ABLIM2: variants seen among roughly 807,000 people sequenced by gnomAD.
ABLIM2 encodes the protein actin binding LIM protein family member 2.
In ABLIM2, 53 loss-of-function variants were observed where a neutral mutation model predicts 97.7. The ratio of observed to expected loss-of-function variants is 0.54; its 90% CI spans 0.44 to 0.68. The LOEUF (loss-of-function observed/expected upper bound fraction) is 0.68. ABLIM2 is among the 30% of genes least tolerant of loss of function. The probability of loss-of-function intolerance (pLI) is 0.00; values close to 1 mark genes in which losing one functional copy is unlikely to be tolerated. For missense variants in ABLIM2, 835 were observed against 867.2 expected (o/e 0.96, Z 0.47); for synonymous variants, 361 against 345.8 (o/e 1.04, Z -0.49).
At chr4:8,020,026 T>C (rs1418721352) in intron 13 of ABLIM2, among the ~76,000 whole-genome samples, 176 bp downstream of exon 13, 1 of 147,886 alleles carries the variant, frequency 6.8e-6, no homozygotes, top group Non-Finnish European at 1.5e-5. Context: ...CGGTTTGGGG[T>C]TGTGAAAACC....
rs761273787 is a variant in ABLIM2, at chr4:7,967,077, C to T, written c.1851G>A (p.Gln617=). The T allele has an allele frequency of 6.2e-7, 1 of 1,613,718 alleles. No individual in the cohort carries two copies. The highest frequency in any genetic ancestry group is 2.2e-5 in the East Asian group (1 of 44,874). The change falls in exon 21 of 21, where the codon CAG becomes CAA. Residue 617 remains glutamine, a synonymous_variant. Transcript: ENST00000447017. Reference sequence around the variant, plus strand: ...CCTCGATGCTCATCCCAAACACTTCCTGGAACTCCTCGGGCGACAAGTGTC... The same window carrying T: ...CCTCGATGCTCATCCCAAACACTTCTTGGAACTCCTCGGGCGACAAGTGTC... ...LERHLSPEEF[Q]EVFGMSIEEF...
At chr4:7,969,131 C>CA (rs1725466047) in intron 20 of ABLIM2, among the ~76,000 whole-genome samples, 1 of 151,538 alleles carries the variant, frequency 6.6e-6, no homozygotes, top group South Asian at 2.1e-4. Context: ...GACTCCATCT[C>CA]AAAAAAATAA....
rs1847664915 is a variant in ABLIM2, at chr4:8,125,898, T to C, written c.11-19261A>G. ...ACACTCGGCTGTGCGTGGGCAGCCT[T>C]GGGGGACCCGCCGCTTTTGGGAACA... On this transcript the variant is annotated intron_variant, in intron 1 of 20. Transcript: ENST00000447017. The surrounding 1 kb of genome is among the most constrained non-coding windows in gnomAD (Gnocchi z 6.2). 6.6e-6 allele frequency among the ~76,000 whole-genome samples: 1 copy of C among 152,122 alleles called. No homozygotes were observed. The highest frequency in any genetic ancestry group is 1.5e-5 in the Non-Finnish European group (1 of 68,000).
chr4:8,066,817 C>T (rs1808186923), intron 6 of ABLIM2: 1 of 152,130 alleles, frequency 6.6e-6, no homozygotes, highest in East Asian at 1.9e-4. Context: ...AGTTTTGGAA[C>T]TAGAGAGAAC....
intron 14 of ABLIM2, 146 bp from the exon 15 acceptor site, chr4:8,009,248 G>A (rs1763304865): frequency 5.1e-6 from 5 of 971,458 alleles, no homozygotes; most frequent in South Asian, 4.5e-5. Context: ...AAAGGGCAAG[G>A]AACAAGGTAA....
chr4:8,082,266 C>T lies in ABLIM2; in HGVS notation c.455-1464G>A, dbSNP rs1048713517. Among the ~76,000 whole-genome samples the T allele has an allele frequency of 6.6e-6, 1 of 152,146 alleles. No individual in the cohort carries two copies. Among genetic ancestry groups the T allele is most frequent in the Non-Finnish European group, 1.5e-5 (1 of 68,030 alleles). ...CGACGTGCTGGGTACAAATCCTGGC[C>T]CCCACTATGCGCTGGGTCACACTGA... On this transcript the variant is annotated intron_variant, in intron 4 of 20. Coordinates refer to ENST00000447017, the MANE Select transcript of ABLIM2 (RefSeq NM_001130083.2). This position sits in a 1 kb window ranked among gnomAD's most constrained non-coding sequence, Gnocchi z 5.6.
rs543253567 is a variant in ABLIM2 at position 8,021,351 on chromosome 4, G to C, written c.1268-1048C>G. On this transcript the variant is annotated intron_variant, in intron 12 of 20. Coordinates refer to ENST00000447017, the MANE Select transcript of ABLIM2 (RefSeq NM_001130083.2). The surrounding 1 kb of genome is among the most constrained non-coding windows in gnomAD (Gnocchi z 5.5). The stretch of plus-strand genomic sequence containing the variant: ...CACCTGTTTGGGGAATGAGGTGACA[G>C]ACAGATGCAGGGTATTGAATGCTTG... 1.6e-4 allele frequency among the ~76,000 whole-genome samples: 25 copies of C among 152,298 alleles called. No homozygotes were observed. Among genetic ancestry groups the C allele is most frequent in the African/African-American group, 5.5e-4 (23 of 41,552 alleles).
chr4:8,024,550 G>A (rs73092333), intron 12 of ABLIM2, among the ~76,000 whole-genome samples: 4,301 of 152,284 alleles, frequency 0.028, 196 homozygotes, highest in African/African-American at 0.096. Flanking sequence ...GGCAGGCGAC[G>A]CTGCCTGGTG....
Position 8,150,094 on chromosome 4 carries a change from G to C in ABLIM2, c.10+8586C>G, listed in dbSNP as rs185783878. 1.6e-4 allele frequency among the ~76,000 whole-genome samples: 24 copies of C among 152,346 alleles called. No homozygotes were observed. In the South Asian group the frequency reaches 1.9e-3, roughly 12 times the overall value. ...AAATGGAGAGAGTTGTGGGGCAAAGGGGTTGGAACATCATGAGGGCATTTG... is the reference window on the plus strand; with the variant it reads ...AAATGGAGAGAGTTGTGGGGCAAAGCGGTTGGAACATCATGAGGGCATTTG... On this transcript the variant is annotated intron_variant, in intron 1 of 20. Transcript: ENST00000447017. The surrounding 1 kb of genome is among the most constrained non-coding windows in gnomAD (Gnocchi z 6.3).
In ABLIM2 at chr4:8,083,004, T is replaced by C. The variant is rs922873951; in HGVS notation, c.455-2202A>G. Reference sequence around the variant, plus strand: ...CATTTGGCAATGTCTGGCGACCCTTTTGATTGTCATAACTTGGAGGGGGTT... The same window carrying C: ...CATTTGGCAATGTCTGGCGACCCTTCTGATTGTCATAACTTGGAGGGGGTT... On this transcript the variant is annotated intron_variant, in intron 4 of 20. Transcript: ENST00000447017. The surrounding 1 kb of genome is among the most constrained non-coding windows in gnomAD (Gnocchi z 4.6). 3.6e-4 allele frequency among the ~76,000 whole-genome samples: 55 copies of C among 152,148 alleles called. No homozygotes were observed. The highest frequency in any genetic ancestry group is 3.5e-3 in the Admixed American group (54 of 15,282).
intron 1 of ABLIM2, among the ~76,000 whole-genome samples, chr4:8,121,913 A>G (rs1845664940): frequency 6.6e-6 from 1 of 152,108 alleles, no homozygotes; most frequent in South Asian, 2.1e-4. Flanking sequence ...AGAGCTGCAA[A>G]TGGCAAAACC....
chr4:8,143,954 G>A (rs1004437351), intron 1 of ABLIM2, among the ~76,000 whole-genome samples: 4 of 152,156 alleles, frequency 2.6e-5, no homozygotes, highest in Non-Finnish European at 5.9e-5. Flanking sequence ...GGTCCTCACC[G>A]AGGAAACTGG....
chr4:8,060,908 G>A (rs1802564073), intron 7 of ABLIM2, 59 bp downstream of exon 7: 2 of 1,387,880 alleles, frequency 1.4e-6, no homozygotes, highest in Non-Finnish European at 2.0e-6. Flanking sequence ...CATGTGTGTG[G>A]ACATCGAAGA....
At chr4:8,099,625 C>T (rs1472096389) in intron 2 of ABLIM2, among the ~76,000 whole-genome samples, 1 of 152,130 alleles carries the variant, frequency 6.6e-6, no homozygotes, top group Non-Finnish European at 1.5e-5. Context: ...GCAGGCAGAT[C>T]ACGAGGTCAG....
chr4:8,073,249 GGA>G (rs1253663423), intron 6 of ABLIM2, among the ~76,000 whole-genome samples: 1 of 151,440 alleles, frequency 6.6e-6, no homozygotes, highest in African/African-American at 2.4e-5. Flanking sequence ...GCAGGGCAAG[GGA>G]GAGAGTCAGG....
chr4:8,069,690 G>T lies in ABLIM2; in HGVS notation c.675+7938C>A, dbSNP rs1210085836. Among the ~76,000 whole-genome samples, 2 of 152,068 alleles carry T rather than the reference G, an allele frequency of 1.3e-5. No homozygotes were observed. The highest frequency in any genetic ancestry group is 1.3e-4 in the Admixed American group (2 of 15,276). ...TTTCTGTGTGTCTCTGTGTGTGTTT[G>T]TGTGTTGTCTGTGTGTTGCTATGTG... On this transcript the variant is annotated intron_variant, in intron 6 of 20. Transcript: ENST00000447017. This position sits in a 1 kb window ranked among gnomAD's most constrained non-coding sequence, Gnocchi z 4.2.
chr4:8,149,604 G>A lies in ABLIM2; in HGVS notation c.10+9076C>T, dbSNP rs918368997. ...AGGGAGAGGAGGAGGGACTCCAGGG[G>A]AGCGGGGGCAGGCAGAAGGCGGCAG... On this transcript the variant is annotated intron_variant, in intron 1 of 20. Coordinates refer to ENST00000447017, the MANE Select transcript of ABLIM2 (RefSeq NM_001130083.2). This position sits in a 1 kb window ranked among gnomAD's most constrained non-coding sequence, Gnocchi z 6.4. 2.0e-5 allele frequency among the ~76,000 whole-genome samples: 3 copies of A among 152,050 alleles called. No homozygotes were observed. Among genetic ancestry groups the A allele is most frequent in the Admixed American group, 6.5e-5 (1 of 15,274 alleles).
At chr4:8,145,334 C>A (rs1851616690) in intron 1 of ABLIM2, among the ~76,000 whole-genome samples, 1 of 152,126 alleles carries the variant, frequency 6.6e-6, no homozygotes, top group Non-Finnish European at 1.5e-5. Flanking sequence ...CAGGCACACA[C>A]CACCACGCCC....
At position 8,071,626 on chromosome 4, in the gene ABLIM2, G is replaced by T; in HGVS notation, c.675+6002C>A. On this transcript the variant is annotated intron_variant, in intron 6 of 20. Coordinates refer to ENST00000447017, the MANE Select transcript of ABLIM2 (RefSeq NM_001130083.2). The surrounding 1 kb of genome is among the most constrained non-coding windows in gnomAD (Gnocchi z 6.2). The stretch of plus-strand genomic sequence containing the variant: ...CCAGGGGCACTGCCAAGCGCCTTAG[G>T]GGGCAAAACGGGGGTGGGGGAACAG... 1.2e-6 allele frequency: 1 copy of T among 860,670 alleles called. No individual in the cohort carries two copies. Among genetic ancestry groups the T allele is most frequent in the Non-Finnish European group, 1.4e-6 (1 of 716,260 alleles). The allele number at this position is 860,670 out of a possible 1,614,324, so 53.3% of individuals were successfully genotyped here.
Sources: gnomAD v4.1 joint callset for allele counts (sites outside exome capture counted in the v4.1 genomes callset) on GRCh38, gnomAD v4.1.1 for gene constraint, Gnocchi (gnomAD v3.1) non-coding constraint, MANE v1.5 for transcripts, NCBI Gene and HGNC (gene_info 2026-07-23, HGNC 2026-07-21) for gene names.